ST7: variants seen among roughly 807,000 people sequenced by gnomAD.
The protein encoded by ST7 is suppression of tumorigenicity 7.
Under a neutral mutation model 78.7 loss-of-function variants are expected in ST7, and 28 were observed. The observed-to-expected ratio is 0.36, with a 90% CI of 0.26 to 0.49. The LOEUF is 0.49. Ranked by LOEUF, ST7 falls within the 20% of genes least tolerant of loss-of-function variation. The pLI, the probability that ST7 is intolerant of heterozygous loss-of-function variation, is 0.99. For synonymous variants in ST7, 247 were observed against 249.6 expected (o/e 0.99, Z 0.10); for missense variants, 418 against 696.0 (o/e 0.60, Z 4.49).
intron 1 of ST7, among the ~76,000 whole-genome samples, chr7:116,981,925 T>C (rs556359577): frequency 1.3e-5 from 2 of 152,332 alleles, no homozygotes; most frequent in African/African-American, 4.8e-5. Flanking sequence ...TACAGTGTTA[T>C]AATGGCTGCA....
chr7:117,183,381 T>C (rs1411696905), intron 10 of ST7, among the ~76,000 whole-genome samples: 1 of 151,496 alleles, frequency 6.6e-6, no homozygotes, highest in Non-Finnish European at 1.5e-5. Flanking sequence ...AGGGAGATTG[T>C]GCTACTGCAC....
intron 1 of ST7, chr7:117,014,874 T>C: frequency 1.6e-6 from 1 of 640,910 alleles, no homozygotes; most frequent in Non-Finnish European, 2.3e-6. Context: ...AGCAGAAGTG[T>C]GGGTGTGCTT....
At chr7:116,977,814 A>G (rs1793772704) in intron 1 of ST7, among the ~76,000 whole-genome samples, 2 of 152,198 alleles carry the variant, frequency 1.3e-5, no homozygotes, top group Non-Finnish European at 2.9e-5. Context: ...TGGCCTCCCA[A>G]AGTTCTGGGA....
chr7:117,168,034 A>G (rs575248086), intron 9 of ST7, among the ~76,000 whole-genome samples: 2 of 152,334 alleles, frequency 1.3e-5, no homozygotes, highest in Admixed American at 6.5e-5. Flanking sequence ...TGGAGGCAGC[A>G]GAGGGTTCAC....
At chr7:117,039,434 C>T (rs1034026692) in intron 1 of ST7, among the ~76,000 whole-genome samples, 1 of 152,048 alleles carries the variant, frequency 6.6e-6, no homozygotes, top group Non-Finnish European at 1.5e-5. Context: ...ATTAGCTGAG[C>T]ATGGTCTCAT....
At chr7:117,138,152 CT>C (rs1163326135) in intron 8 of ST7, among the ~76,000 whole-genome samples, 1 of 152,186 alleles carries the variant, frequency 6.6e-6, no homozygotes, top group Non-Finnish European at 1.5e-5. Flanking sequence ...GGAATTCCTG[CT>C]TGTAAACCGT....
At chr7:116,999,411 C>T (rs1190673192) in intron 1 of ST7, among the ~76,000 whole-genome samples, 1 of 152,108 alleles carries the variant, frequency 6.6e-6, no homozygotes, top group Admixed American at 6.6e-5. Context: ...GGGCACAATT[C>T]CAAGGTTTAG....
At chr7:117,011,249 C>T (rs907234768) in intron 1 of ST7, among the ~76,000 whole-genome samples, 1 of 152,102 alleles carries the variant, frequency 6.6e-6, no homozygotes, top group Non-Finnish European at 1.5e-5. Context: ...GGAGGAGGCT[C>T]CCCAGAACAT....
intron 3 of ST7, among the ~76,000 whole-genome samples, chr7:117,121,023 TA>T (rs1803324977): frequency 6.6e-6 from 1 of 152,198 alleles, no homozygotes; most frequent in Non-Finnish European, 1.5e-5. Flanking sequence ...GTATTCACTA[TA>T]AAAAATGATC....
chr7:116,968,683 G>T (rs1373880113), intron 1 of ST7: 1 of 171,866 alleles, frequency 5.8e-6, no homozygotes, highest in Non-Finnish European at 1.3e-5. Flanking sequence ...AAAGAAAAAT[G>T]GGCACAAAAC....
intron 1 of ST7, among the ~76,000 whole-genome samples, chr7:116,995,030 T>C (rs1024427993): frequency 9.2e-5 from 14 of 152,038 alleles, no homozygotes; most frequent in Non-Finnish European, 1.6e-4. Context: ...TGGTAGGAGA[T>C]TGGGGGACTT....
chr7:117,015,336 T>G (rs1327916858), intron 1 of ST7, among the ~76,000 whole-genome samples: 2 of 152,188 alleles, frequency 1.3e-5, no homozygotes, highest in Non-Finnish European at 2.9e-5. Context: ...AACATCTGAG[T>G]TCAGATTATT....
At position 116,980,437 on chromosome 7, in the gene ST7, C is replaced by G. The variant is rs115624930; in HGVS notation, c.151+26746C>G. Among the ~76,000 whole-genome samples the G allele has an allele frequency of 1.1e-3, 163 of 152,288 alleles. 1 individual carries two copies. Among genetic ancestry groups the G allele is most frequent in the African/African-American group, 3.8e-3 (158 of 41,562 alleles). On this transcript the variant is annotated intron_variant, in intron 1 of 15. Coordinates refer to ENST00000323984, the MANE Select transcript of ST7 (RefSeq NM_001369598.1). The stretch of plus-strand genomic sequence containing the variant: ...GCTCCTTAGTCTCCTTGTCCTGTGG[C>G]TCCTTCACAGGAGCTTCACTTTTCC...
chr7:117,109,961 A>G (rs1802290995), intron 2 of ST7, among the ~76,000 whole-genome samples: 1 of 152,228 alleles, frequency 6.6e-6, no homozygotes, highest in Non-Finnish European at 1.5e-5. Context: ...ATTTCAATAG[A>G]TGCAGAAAAA....
rs201106303 is a variant in ST7, at chr7:117,219,166, G to A, written c.1488G>A (p.Glu496=). The part of the protein sequence containing the change: ...YPICTETADR[E]LLPSFHEVSV... ...TCTGTACAGAAACAGCAGACCGAGA[G>A]CTGCTTCCATGTAAGTCTCACCTCT... is the stretch of plus-strand genomic sequence containing the variant. Residue 496 remains glutamate, a synonymous_variant, in exon 14 of 16, where the codon GAG becomes GAA. Transcript: ENST00000323984. The surrounding 1 kb of genome is among the most constrained non-coding windows in gnomAD (Gnocchi z 5.1). 1 of 1,612,552 alleles carries A rather than the reference G, an allele frequency of 6.2e-7. No individual in the cohort carries two copies. Among genetic ancestry groups the A allele is most frequent in the Non-Finnish European group, 8.5e-7 (1 of 1,179,256 alleles).
Position 117,089,728 on chromosome 7 carries a change from C to G in ST7, c.152-10034C>G, listed in dbSNP as rs556678398. On this transcript the variant is annotated intron_variant, in intron 1 of 15. Transcript: ENST00000323984. ...CTGGGACTACAGGCACCCACCACCA[C>G]GCCCGGCTAGTTTTTGTATTTTTAG... 1.3e-5 allele frequency among the ~76,000 whole-genome samples: 2 copies of G among 151,964 alleles called. 1 individual carries two copies. The highest frequency in any genetic ancestry group is 1.3e-4 in the Admixed American group (2 of 15,258).
intron 4 of ST7, 96 bp downstream of exon 4, chr7:117,129,943 A>C: frequency 1.1e-6 from 1 of 934,366 alleles, no homozygotes; most frequent in African/African-American, 1.7e-5. Flanking sequence ...GGTCATTGTA[A>C]CAGTCTATGT....
At chr7:117,025,564 T>TGAA (rs1796142854) in intron 1 of ST7, among the ~76,000 whole-genome samples, 5 of 152,148 alleles carry the variant, frequency 3.3e-5, no homozygotes, top group Admixed American at 2.6e-4. Context: ...AAGTCTGCAC[T>TGAA]TAGAGCATTG....
rs772721883 is a variant in ST7, at chr7:117,190,797, G to T, written c.1152-37G>T. The T allele has an allele frequency of 1.3e-6, 2 of 1,571,256 alleles. No individual in the cohort carries two copies. The highest frequency in any genetic ancestry group is 2.7e-5 in the African/African-American group (2 of 73,894). On this transcript the variant is annotated intron_variant, in intron 11 of 15. Transcript: ENST00000323984. This position sits in a 1 kb window ranked among gnomAD's most constrained non-coding sequence, Gnocchi z 5.2. ...CTTCCGGGTTGATGCCCAAGCAGTG[G>T]TCCCACCTGGATGGTTTTTGTCTTT...
Sources: allele counts gnomAD v4.1 joint callset (sites outside exome capture counted in the v4.1 genomes callset), GRCh38; gene constraint gnomAD v4.1.1; non-coding constraint Gnocchi (gnomAD v3.1); transcripts MANE v1.5; gene names NCBI Gene and HGNC (gene_info 2026-07-23, HGNC 2026-07-21).